MARK1: variants seen among roughly 807,000 people sequenced by gnomAD.
MARK1 encodes serine/threonine-protein kinase MARK1.
In MARK1, 40 loss-of-function variants were observed where a neutral mutation model predicts 96.3. The observed-to-expected ratio is 0.42, with a 90% CI of 0.32 to 0.54. The LOEUF is 0.54. Among genes scored for constraint, MARK1 ranks in the 20% least tolerant of loss-of-function variants. The pLI is 0.16. For missense variants in MARK1, 719 were observed against 984.6 expected, an observed-to-expected ratio of 0.73 and a Z score of 3.61; for synonymous variants, 317 against 341.2, an observed-to-expected ratio of 0.93 and a Z score of 0.78.
chr1:220,575,789 T>C (rs1663788464), intron 1 of MARK1, among the ~76,000 whole-genome samples: 1 of 151,636 alleles, frequency 6.6e-6, no homozygotes, highest in African/African-American at 2.4e-5. Flanking sequence ...AATTTAAACC[T>C]GTATCCCAAA....
In MARK1 at chr1:220,652,035, G is replaced by C. The variant is rs79027592; in HGVS notation, c.1621G>C (p.Ala541Pro). Residue 541 changes from alanine (A) to proline (P), a missense_variant, in exon 15 of 18, where the codon GCC becomes CCC. Coordinates refer to ENST00000366917, the MANE Select transcript of MARK1 (RefSeq NM_018650.5). Reference sequence around the variant, plus strand: ...CATATCTTCTGCAGGCTCTTCTGTGGCCTCTGCTGTCCCCTCAGCACGACC... The same window carrying C: ...CATATCTTCTGCAGGCTCTTCTGTGCCCTCTGCTGTCCCCTCAGCACGACC... ...SSISSAGSSV[A>P]SAVPSARPRH... The C allele has an allele frequency of 2.9e-3, 4,694 of 1,612,592 alleles. 101 individuals are homozygous for C. The African/African-American group carries it at 0.03, about 10-fold the overall frequency.
chr1:220,590,761 C>G (rs2786604), intron 3 of MARK1, among the ~76,000 whole-genome samples: 28,234 of 152,132 alleles, frequency 0.19, 3,337 homozygotes, highest in East Asian at 0.36. Context: ...TCTTCGACAA[C>G]TGCCTATCAT....
At position 220,653,833 on chromosome 1, in the gene MARK1, G is replaced by A. The variant is rs536962165; in HGVS notation, c.1988+481G>A. ...CATAAAACCTTATCATCAAAACATA[G>A]TAAACACAAAATGAATACATGTATA... On this transcript the variant is annotated intron_variant, in intron 16 of 17. Coordinates refer to ENST00000366917, the MANE Select transcript of MARK1 (RefSeq NM_018650.5). Among the ~76,000 whole-genome samples the A allele has an allele frequency of 8.7e-5, 13 of 149,262 alleles. No homozygotes were observed. The East Asian group carries it at 9.7e-4, about 11-fold the overall frequency.
intron 1 of MARK1, among the ~76,000 whole-genome samples, chr1:220,574,717 A>C (rs1663715622): frequency 6.6e-6 from 1 of 152,110 alleles, no homozygotes; most frequent in South Asian, 2.1e-4. Flanking sequence ...GTCTGCTGAT[A>C]GGTTTAGTTA....
In MARK1 at chr1:220,553,729, CT is replaced by C. The variant is rs1474905543; in HGVS notation, c.51+24857del. Among the ~76,000 whole-genome samples, 6 of 152,262 alleles carry C rather than the reference CT, an allele frequency of 3.9e-5. No homozygotes were observed. The East Asian group carries it at 1.2e-3, about 29-fold the overall frequency. ...CTAGAGTTCGGTAGTAAGCTACTAG[CT>C]GCTTCCTCAAAAGAGAATAGTTGTC... On this transcript the variant is annotated intron_variant, in intron 1 of 17. Coordinates refer to ENST00000366917, the MANE Select transcript of MARK1 (RefSeq NM_018650.5).
At chr1:220,539,450 G>A (rs906112655) in intron 1 of MARK1, among the ~76,000 whole-genome samples, 2 of 152,118 alleles carry the variant, frequency 1.3e-5, no homozygotes, top group Admixed American at 1.3e-4. Flanking sequence ...GCTTTTTGAT[G>A]TGCTGCTGGA....
intron 1 of MARK1, among the ~76,000 whole-genome samples, chr1:220,558,542 A>G (rs1046072499): frequency 6.6e-6 from 1 of 152,074 alleles, no homozygotes; most frequent in African/African-American, 2.4e-5. Flanking sequence ...AAGATGATTA[A>G]GAATCTGACA....
At chr1:220,617,820 A>G (rs1440242187) in intron 7 of MARK1, among the ~76,000 whole-genome samples, 1 of 152,186 alleles carries the variant, frequency 6.6e-6, no homozygotes, top group African/African-American at 2.4e-5. Context: ...CAAAGGAATG[A>G]ATTAGTAGTC....
intron 1 of MARK1, among the ~76,000 whole-genome samples, chr1:220,549,328 A>G (rs1211141792): frequency 1.3e-5 from 2 of 152,196 alleles, no homozygotes; most frequent in African/African-American, 4.8e-5. Context: ...AACTGAACAC[A>G]TATAGCGCCC....
Position 220,661,848 on chromosome 1 carries a change from A to C in MARK1, c.2070A>C (p.Glu690Asp). The part of the protein sequence containing the change: ...TSGEPKERDK[E>D]EGKDSKPRSL... ...GGGAACCAAAAGAAAGAGACAAGGA[A>C]GAGGGTAAAGATTCTAAGCCGCGTT... The change falls in exon 18 of 18, where the codon GAA (glutamate) becomes GAC (aspartate). Residue 690 changes from glutamate to aspartate, a missense_variant. Glu to Asp is a conservative substitution (Grantham distance 45). Transcript: ENST00000366917. 6.2e-7 allele frequency: 1 copy of C among 1,612,694 alleles called. No homozygotes were observed. The highest frequency in any genetic ancestry group is 8.5e-7 in the Non-Finnish European group (1 of 1,179,060).
At position 220,615,921 on chromosome 1, in the gene MARK1, TC is replaced by T. The variant is rs751237852; in HGVS notation, c.496-16del. The T allele has an allele frequency of 7.0e-7, 1 of 1,427,410 alleles. No homozygotes were observed. Among genetic ancestry groups the T allele is most frequent in the South Asian group, 1.3e-5 (1 of 78,932 alleles). 88.4% of individuals were successfully genotyped at this position (1,427,410 alleles called of 1,614,324 possible). A position where few individuals can be genotyped will look rare whatever the true frequency, so the allele number is the denominator to read the frequency against. On this transcript the variant is annotated splice_polypyrimidine_tract_variant and intron_variant, in intron 6 of 17. Coordinates refer to ENST00000366917, the MANE Select transcript of MARK1 (RefSeq NM_018650.5). Reference sequence around the variant, plus strand: ...TTTTTTTAATAATTTGACTCTTTTATCCAAATGTTTATTCCAGATTGTATCT... The same window carrying T: ...TTTTTTTAATAATTTGACTCTTTTATCAAATGTTTATTCCAGATTGTATCT...
At chr1:220,542,967 T>C (rs1661247155) in intron 1 of MARK1, among the ~76,000 whole-genome samples, 1 of 152,228 alleles carries the variant, frequency 6.6e-6, no homozygotes, top group African/African-American at 2.4e-5. Context: ...ATTTCTGAAA[T>C]TCTCGTATCT....
intron 3 of MARK1, among the ~76,000 whole-genome samples, chr1:220,587,842 A>T (rs1293439205): frequency 6.6e-6 from 1 of 152,122 alleles, no homozygotes; most frequent in African/African-American, 2.4e-5. Flanking sequence ...TTTACTATAC[A>T]GATAATGAAT....
In MARK1 at chr1:220,626,166, G is replaced by A. The variant is rs1030637511; in HGVS notation, c.910-4869G>A. On this transcript the variant is annotated intron_variant, in intron 9 of 17. Transcript: ENST00000366917. ...CTGGGGGCCTGAACCATGCCAAGAAGCCTGAGGCATCTGGCTTCTATTACA... is the reference window on the plus strand; with the variant it reads ...CTGGGGGCCTGAACCATGCCAAGAAACCTGAGGCATCTGGCTTCTATTACA... 5.9e-5 allele frequency: 35 copies of A among 594,508 alleles called. No homozygotes were observed. The East Asian group carries it at 1.3e-3, about 22-fold the overall frequency. 36.8% of individuals were successfully genotyped at this position (594,508 alleles called of 1,614,324 possible).
At chr1:220,552,827 A>G (rs772527429) in intron 1 of MARK1, among the ~76,000 whole-genome samples, 6 of 152,108 alleles carry the variant, frequency 3.9e-5, no homozygotes, top group Non-Finnish European at 7.3e-5. Context: ...TGACTGGGTA[A>G]CCTTCTCTTA....
Position 220,662,095 on chromosome 1 carries a change from AAGCGAATATC to A in MARK1, c.2318_2327del (p.Lys773MetfsTer14). 6.2e-7 allele frequency: 1 copy of A among 1,614,218 alleles called. No individual in the cohort carries two copies. The highest frequency in any genetic ancestry group is 8.5e-7 in the Non-Finnish European group (1 of 1,180,042). On this transcript the variant is annotated frameshift_variant, in exon 18 of 18. Transcript: ENST00000366917. LOFTEE classifies it high-confidence loss of function. Reference sequence around the variant, plus strand: ...ACTGTCACTTAATGGGGTTCGCTTCAAGCGAATATCTGGGACATCTATTGCCTTTAAGAAC... The same window carrying A: ...ACTGTCACTTAATGGGGTTCGCTTCATGGGACATCTATTGCCTTTAAGAAC...
At chr1:220,632,090 A>C (rs1364165549) in intron 10 of MARK1, 111 bp from the exon 11 acceptor site, 1 of 534,944 alleles carries the variant, frequency 1.9e-6, no homozygotes, top group Non-Finnish European at 3.4e-6. Context: ...TACACTTTAA[A>C]TTTTCATGAC....
chr1:220,634,003 CA>C (rs1291340328), intron 11 of MARK1, among the ~76,000 whole-genome samples: 1 of 152,120 alleles, frequency 6.6e-6, no homozygotes, highest in Non-Finnish European at 1.5e-5. Context: ...AAGGACTTTA[CA>C]AATACTAATT....
At chr1:220,637,686 C>CA (rs758704342) in intron 13 of MARK1, among the ~76,000 whole-genome samples, 2 of 148,534 alleles carry the variant, frequency 1.3e-5, no homozygotes, top group Admixed American at 1.3e-4. Context: ...TCTCAAAAAC[C>CA]AAAAAAAAGA....
Sources: allele counts gnomAD v4.1 joint callset (sites outside exome capture counted in the v4.1 genomes callset), GRCh38; gene constraint gnomAD v4.1.1; transcripts MANE v1.5; gene names NCBI Gene and HGNC (gene_info 2026-07-23, HGNC 2026-07-21).